FCHSD2: variants seen among roughly 807,000 people sequenced by gnomAD.
FCHSD2 encodes the protein F-BAR and double SH3 domains protein 2.
A neutral mutation model predicts 108.1 loss-of-function variants in FCHSD2; 38 were observed. That is an observed-to-expected ratio of 0.35 (90% CI 0.27 to 0.46). The LOEUF is 0.46. FCHSD2 is among the 20% of genes least tolerant of loss of function. FCHSD2 has a pLI of 1.00. For missense variants in FCHSD2, 751 were observed against 897.8 expected (o/e 0.84, Z 2.09); for synonymous variants, 279 against 314.7 (o/e 0.89, Z 1.20).
At position 72,837,005 on chromosome 11, in the gene FCHSD2, G is replaced by A. The variant is rs887265312; in HGVS notation, c.*1786C>T. The A allele has an allele frequency of 7.9e-5, 12 of 152,272 alleles. No individual in the cohort carries two copies. Among genetic ancestry groups the A allele is most frequent in the African/African-American group, 2.9e-4 (12 of 41,424 alleles). The allele number at this position is 152,272 out of a possible 1,614,324, so 9.4% of individuals were successfully genotyped here. On this transcript the variant is annotated 3_prime_UTR_variant, in exon 20 of 20. Coordinates refer to ENST00000409418, the MANE Select transcript of FCHSD2 (RefSeq NM_014824.3). ...AACAAAAGATTTCAAATAACCCTTT[G>A]AGGTTGTGGAAAACCCAAATTCAAG...
intron 9 of FCHSD2, among the ~76,000 whole-genome samples, chr11:72,915,041 G>T (rs1213097856): frequency 8.6e-6 from 1 of 116,306 alleles, no homozygotes. Flanking sequence ...ACTTAAACAA[G>T]TTTACAAGAA....
chr11:73,074,880 C>T (rs1387527330), intron 3 of FCHSD2, among the ~76,000 whole-genome samples: 1 of 152,122 alleles, frequency 6.6e-6, no homozygotes, highest in East Asian at 1.9e-4. Context: ...CCACTGCACT[C>T]CAGCCTAGGC....
chr11:73,013,512 T>C (rs868244004), intron 4 of FCHSD2, among the ~76,000 whole-genome samples: 2 of 152,238 alleles, frequency 1.3e-5, no homozygotes, highest in Admixed American at 6.5e-5. Flanking sequence ...ATGTAGTAGG[T>C]ATTTCATATG....
chr11:72,871,120 T>C (rs2135212013), intron 12 of FCHSD2, among the ~76,000 whole-genome samples: 1 of 152,282 alleles, frequency 6.6e-6, no homozygotes, highest in African/African-American at 2.4e-5. Flanking sequence ...CATAAACAAG[T>C]AACCACAGAA....
At chr11:72,858,051 C>T (rs375978223) in intron 13 of FCHSD2, among the ~76,000 whole-genome samples, 3 of 152,256 alleles carry the variant, frequency 2.0e-5, no homozygotes, top group African/African-American at 7.2e-5. Flanking sequence ...ATATTTAAAA[C>T]CCCTAACACA....
At position 72,838,537 on chromosome 11, in the gene FCHSD2, C is replaced by G. The variant is rs1004023548; in HGVS notation, c.*254G>C. The G allele has an allele frequency of 4.5e-5, 24 of 532,630 alleles. No homozygotes were observed. Among genetic ancestry groups the G allele is most frequent in the African/African-American group, 1.1e-4 (6 of 52,392 alleles). The allele number at this position is 532,630 out of a possible 1,614,324, so 33.0% of individuals were successfully genotyped here. On this transcript the variant is annotated 3_prime_UTR_variant, in exon 20 of 20. Transcript: ENST00000409418. The stretch of plus-strand genomic sequence containing the variant: ...CCACTGTTAGGCATGAGGGCTGCCC[C>G]CCTCTTTGCTCCTAGGGTCCGCTAG...
intron 2 of FCHSD2, among the ~76,000 whole-genome samples, chr11:73,129,360 G>T (rs981037931): frequency 1.3e-5 from 2 of 152,156 alleles, no homozygotes. Context: ...GGTGAGTGGC[G>T]GGCAAGCAGG....
At chr11:73,106,609 T>C (rs960335166) in intron 2 of FCHSD2, among the ~76,000 whole-genome samples, 56 of 151,986 alleles carry the variant, frequency 3.7e-4, no homozygotes, top group Middle Eastern at 3.4e-3. Flanking sequence ...ATGAAACTTA[T>C]TGATAAATAA....
chr11:72,895,787 G>A (rs2135261422), intron 10 of FCHSD2, among the ~76,000 whole-genome samples: 1 of 152,240 alleles, frequency 6.6e-6, no homozygotes, highest in East Asian at 1.9e-4. Context: ...TTTAGTCAAA[G>A]CCTCTCATTT....
chr11:72,999,866 G>GACACAC (rs138484535), intron 5 of FCHSD2, among the ~76,000 whole-genome samples: 1 of 150,306 alleles, frequency 6.7e-6, no homozygotes, highest in African/African-American at 2.4e-5. Flanking sequence ...TGCACAATCA[G>GACACAC]ACACACACAC....
chr11:73,141,195 CG>C (rs1861238619), intron 1 of FCHSD2: 1 of 152,328 alleles, frequency 6.6e-6, no homozygotes, highest in African/African-American at 2.4e-5. Flanking sequence ...CATCCAACCC[CG>C]GATCGCAGTG....
intron 4 of FCHSD2, among the ~76,000 whole-genome samples, chr11:73,004,921 AG>A (rs1857708151): frequency 6.6e-6 from 1 of 152,198 alleles, no homozygotes; most frequent in African/African-American, 2.4e-5. Flanking sequence ...CACTATCAGA[AG>A]GCAATGTCCA....
chr11:73,012,760 C>T (rs1467247528), intron 4 of FCHSD2, among the ~76,000 whole-genome samples: 1 of 152,088 alleles, frequency 6.6e-6, no homozygotes, highest in Non-Finnish European at 1.5e-5. Context: ...TTATCAAGTG[C>T]TTTCAATGTT....
chr11:73,140,753 TC>T (rs921856173), intron 1 of FCHSD2, among the ~76,000 whole-genome samples: 8 of 152,204 alleles, frequency 5.3e-5, no homozygotes, highest in Non-Finnish European at 2.9e-5. Context: ...GGGAAGCCGA[TC>T]CCCGTGGAGG....
chr11:72,841,494 C>T lies in FCHSD2; in HGVS notation c.2016G>A (p.Lys672=), dbSNP rs749521440. ...PPSSPYPSPD[K]RSSLYFPRSP... is the part of the protein sequence containing the mutation. ...ACCGGGGAAAGTACAGGGAGCTCCT[C>T]TTATCTGGGCTGGGGTAGGGGCTGC... Residue 672 remains lysine (K), a synonymous_variant, in exon 18 of 20, where the codon AAG becomes AAA. Coordinates refer to ENST00000409418, the MANE Select transcript of FCHSD2 (RefSeq NM_014824.3). The T allele has an allele frequency of 6.8e-6, 11 of 1,611,060 alleles. No individual in the cohort carries two copies. The South Asian group carries it at 1.0e-4, about 15-fold the overall frequency.
At chr11:73,050,525 C>T (rs1480837656) in intron 3 of FCHSD2, among the ~76,000 whole-genome samples, 17 of 152,038 alleles carry the variant, frequency 1.1e-4, no homozygotes, top group Non-Finnish European at 1.5e-5. Context: ...TAAATAGTTC[C>T]TTTCGTGGGA....
intron 3 of FCHSD2, among the ~76,000 whole-genome samples, chr11:73,052,965 G>A (rs1176408755): frequency 2.0e-5 from 3 of 152,002 alleles, no homozygotes; most frequent in African/African-American, 7.2e-5. Context: ...TCCTGCCTCA[G>A]CCTCCCAAGT....
intron 14 of FCHSD2, among the ~76,000 whole-genome samples, chr11:72,845,871 C>T (rs1194556488): frequency 6.6e-6 from 1 of 151,974 alleles, no homozygotes; most frequent in Non-Finnish European, 1.5e-5. Context: ...TTTCTTTTTT[C>T]GTACTAGAAT....
intron 3 of FCHSD2, among the ~76,000 whole-genome samples, chr11:73,058,333 T>C (rs1459476099): frequency 6.6e-6 from 1 of 152,214 alleles, no homozygotes; most frequent in Non-Finnish European, 1.5e-5. Flanking sequence ...TATATACCAA[T>C]ATTCTAACAA....
Sources: gnomAD v4.1 joint callset for allele counts (sites outside exome capture counted in the v4.1 genomes callset) on GRCh38, gnomAD v4.1.1 for gene constraint, MANE v1.5 for transcripts, NCBI Gene and HGNC (gene_info 2026-07-23, HGNC 2026-07-21) for gene names.